Variants in TPO observed in about 807,000 individuals in gnomAD.
TPO encodes the protein thyroid peroxidase.
A neutral mutation model predicts 96.9 loss-of-function variants in TPO; 78 were observed. That is an observed-to-expected ratio of 0.81 (90% CI 0.67 to 0.97). The LOEUF is 0.97. Ranked by LOEUF, TPO falls within the 50% of genes least tolerant of loss-of-function variation. The probability of loss-of-function intolerance (pLI) is 0.00; values close to 1 mark genes in which losing one functional copy is unlikely to be tolerated. For synonymous variants in TPO, 547 were observed against 538.0 expected, an observed-to-expected ratio of 1.02 and a Z score of -0.23; for missense variants, 1,252 against 1,274.8, an observed-to-expected ratio of 0.98 and a Z score of 0.27.
At chr2:1,494,910 T>A (rs1672176006) in intron 11 of TPO, among the ~76,000 whole-genome samples, 1 of 152,132 alleles carries the variant, frequency 6.6e-6, no homozygotes, top group Non-Finnish European at 1.5e-5. Context: ...AGATGCAGCC[T>A]TTCAAAGAGC....
At chr2:1,523,807 C>A (rs1675764372) in intron 15 of TPO, among the ~76,000 whole-genome samples, 2 of 135,798 alleles carry the variant, frequency 1.5e-5, no homozygotes, top group Admixed American at 7.5e-5. Context: ...GCAACCTCCC[C>A]AAATCCCCCC....
intron 3 of TPO, among the ~76,000 whole-genome samples, chr2:1,423,734 A>C (rs1664032450): frequency 6.6e-6 from 1 of 152,258 alleles, no homozygotes; most frequent in African/African-American, 2.4e-5. Context: ...GAGATACAAA[A>C]TATCAAAAGA....
intron 1 of TPO, among the ~76,000 whole-genome samples, chr2:1,404,000 C>G (rs570902998): frequency 5.3e-5 from 8 of 152,340 alleles, no homozygotes; most frequent in African/African-American, 1.9e-4. Flanking sequence ...TCTCAACTTT[C>G]AGTTTTGGAT....
At chr2:1,505,110 C>A (rs1346732176) in intron 14 of TPO, among the ~76,000 whole-genome samples, 1 of 152,208 alleles carries the variant, frequency 6.6e-6, no homozygotes, top group East Asian at 1.9e-4. Context: ...AGTTATCAAG[C>A]AAGTGAGTCT....
At chr2:1,528,545 C>T (rs568503389) in intron 15 of TPO, among the ~76,000 whole-genome samples, 4 of 145,184 alleles carry the variant, frequency 2.8e-5, no homozygotes, top group Non-Finnish European at 5.9e-5. Flanking sequence ...CCTCAAATCC[C>T]TCCCACTCTT....
chr2:1,438,784 T>C (rs1429400417), intron 5 of TPO: 1 of 448,602 alleles, frequency 2.2e-6, no homozygotes, highest in Non-Finnish European at 3.9e-6. Flanking sequence ...TGGAGATTTT[T>C]TTTTTTTTTT....
chr2:1,391,375 T>C (rs527755499), intron 1 of TPO, among the ~76,000 whole-genome samples: 1 of 152,338 alleles, frequency 6.6e-6, no homozygotes, highest in African/African-American at 2.4e-5. Context: ...TTGGTCTATA[T>C]GTCTGTTTTG....
rs1483687579 is a variant in TPO, at chr2:1,536,276, C to G, written c.2619-4318C>G. ...CTGTTTGGAACCTCCTCAAATCCCC[C>G]CACTGTGTGCAACCTCCCGAAATCC... On this transcript the variant is annotated intron_variant, in intron 15 of 16. Coordinates refer to ENST00000329066, the MANE Select transcript of TPO (RefSeq NM_001206744.2). Among the ~76,000 whole-genome samples the G allele has an allele frequency of 1.3e-3, 11 of 8,452 alleles. 1 individual carries two copies. The highest frequency in any genetic ancestry group is 4.2e-3 in the Admixed American group (3 of 714). 5.5% of individuals were successfully genotyped at this position (8,452 alleles called of 152,430 possible).
intron 10 of TPO, among the ~76,000 whole-genome samples, chr2:1,491,165 G>C (rs1383818171): frequency 6.6e-6 from 1 of 150,768 alleles, no homozygotes; most frequent in Non-Finnish European, 1.5e-5. Context: ...GCGAGACTCA[G>C]TCAAAAAAAA....
At chr2:1,505,150 G>C (rs1390798242) in intron 14 of TPO, among the ~76,000 whole-genome samples, 1 of 152,174 alleles carries the variant, frequency 6.6e-6, no homozygotes, top group Admixed American at 6.5e-5. Context: ...GCGGCTGCCC[G>C]GGGCCTTCAG....
intron 1 of TPO, among the ~76,000 whole-genome samples, chr2:1,399,447 C>A (rs940886377): frequency 1.3e-5 from 2 of 152,182 alleles, no homozygotes; most frequent in African/African-American, 4.8e-5. Flanking sequence ...CACATACCCA[C>A]GGTGAAGCTT....
intron 5 of TPO, among the ~76,000 whole-genome samples, chr2:1,449,571 G>C (rs1667144069): frequency 6.6e-6 from 1 of 152,130 alleles, no homozygotes; most frequent in Non-Finnish European, 1.5e-5. Flanking sequence ...TCTATTAAGA[G>C]TTTAAGTTGC....
chr2:1,494,126 TCA>T (rs1573420960), intron 11 of TPO, 87 bp downstream of exon 11: 1 of 1,314,320 alleles, frequency 7.6e-7, no homozygotes, highest in African/African-American at 1.4e-5. Flanking sequence ...AGACCTGCAT[TCA>T]CATTCCGGCT....
intron 8 of TPO, among the ~76,000 whole-genome samples, chr2:1,484,105 T>C (rs563219740): frequency 6.6e-6 from 1 of 152,348 alleles, no homozygotes; most frequent in South Asian, 2.1e-4. Context: ...ATAATTCTCC[T>C]GGGACCATGT....
intron 1 of TPO, among the ~76,000 whole-genome samples, chr2:1,380,282 T>C (rs1661788384): frequency 6.6e-6 from 1 of 150,944 alleles, no homozygotes; most frequent in South Asian, 2.1e-4. Context: ...TAGTCCCAGC[T>C]ACTCGGGAGG....
intron 15 of TPO, 25 bp from the exon 16 acceptor site, chr2:1,540,569 A>G: frequency 6.2e-7 from 1 of 1,611,972 alleles, no homozygotes; most frequent in African/African-American, 1.3e-5. Flanking sequence ...CCCTCTCCCG[A>G]TAACTGGACA....
rs1304423273 is a variant in TPO, at chr2:1,508,368, C to A, written c.2518+4289C>A. On this transcript the variant is annotated intron_variant, in intron 14 of 16. Transcript: ENST00000329066. Reference sequence around the variant, plus strand: ...TCTCTTTTTTGGTTGTGTCTCTGCCCGGCTTTGGTATCAGGATGATGCTGG... The same window carrying A: ...TCTCTTTTTTGGTTGTGTCTCTGCCAGGCTTTGGTATCAGGATGATGCTGG... 5.9e-5 allele frequency among the ~76,000 whole-genome samples: 9 copies of A among 151,746 alleles called. No homozygotes were observed. The South Asian group carries it at 6.3e-4, about 11-fold the overall frequency.
chr2:1,397,413 C>T (rs1051196965), intron 1 of TPO, among the ~76,000 whole-genome samples: 3 of 152,166 alleles, frequency 2.0e-5, no homozygotes, highest in African/African-American at 7.2e-5. Context: ...CCTGCAGATG[C>T]CGTGGCCCAG....
chr2:1,462,970 T>C (rs1573295772), intron 7 of TPO, among the ~76,000 whole-genome samples: 1 of 152,220 alleles, frequency 6.6e-6, no homozygotes, highest in South Asian at 2.1e-4. Flanking sequence ...TTAGATGATA[T>C]TGTACTTGTC....
Sources: allele counts gnomAD v4.1 joint callset (sites outside exome capture counted in the v4.1 genomes callset), GRCh38; gene constraint gnomAD v4.1.1; transcripts MANE v1.5; gene names NCBI Gene and HGNC (gene_info 2026-07-23, HGNC 2026-07-21).